Variants in PLXNA4 observed in about 807,000 individuals in gnomAD.
The protein encoded by PLXNA4 is plexin-A4.
In PLXNA4, 44 loss-of-function variants were observed where a neutral mutation model predicts 191.8. The ratio of observed to expected loss-of-function variants is 0.23; its 90% confidence interval spans 0.18 to 0.29. PLXNA4 has a LOEUF of 0.29. PLXNA4 is among the 10% of genes least tolerant of loss of function. The pLI, the probability that PLXNA4 is intolerant of heterozygous loss-of-function variation, is 1.00. For missense variants in PLXNA4, 1,800 were observed against 2,488.8 expected (o/e 0.72, Z 5.89); for synonymous variants, 1,082 against 1,009.5 (o/e 1.07, Z -1.36).
chr7:132,266,730 G>C (rs922914662), intron 4 of PLXNA4, among the ~76,000 whole-genome samples: 1 of 152,228 alleles, frequency 6.6e-6, no homozygotes, highest in Non-Finnish European at 1.5e-5. Flanking sequence ...TTCTGCATAA[G>C]CATCGACCTG....
intron 3 of PLXNA4, among the ~76,000 whole-genome samples, chr7:132,425,295 T>TAA (rs571466321): frequency 6.7e-6 from 1 of 149,340 alleles, no homozygotes; most frequent in African/African-American, 2.5e-5. Context: ...AGGAAAGCTT[T>TAA]AAAAAAAAAA....
intron 2 of PLXNA4, among the ~76,000 whole-genome samples, chr7:132,506,586 C>T (rs1456487947): frequency 6.6e-6 from 1 of 152,170 alleles, no homozygotes; most frequent in Non-Finnish European, 1.5e-5. Flanking sequence ...AGTGAAAAAG[C>T]AGGACCATTG....
chr7:132,377,154 G>A (rs1361718077), intron 3 of PLXNA4, among the ~76,000 whole-genome samples: 1 of 152,102 alleles, frequency 6.6e-6, no homozygotes, highest in African/African-American at 2.4e-5. Flanking sequence ...CAGAGAATAC[G>A]AGATGCTTAT....
rs115888842 is a variant in PLXNA4 at position 132,338,976 on chromosome 7, A to T, written c.1372-40754T>A. On this transcript the variant is annotated intron_variant, in intron 3 of 31. Transcript: ENST00000321063. ...CCACCTAGCACTGTTTTCCATGACA[A>T]TTCCTTTCAGGAAACTGTGATGACT... is the stretch of plus-strand genomic sequence containing the variant. Among the ~76,000 whole-genome samples the T allele has an allele frequency of 3.1e-3, 475 of 152,282 alleles. 4 individuals are homozygous for T. The highest frequency in any genetic ancestry group is 0.011 in the African/African-American group (449 of 41,566).
chr7:132,183,480 G>A (rs1796778067), intron 16 of PLXNA4, among the ~76,000 whole-genome samples: 1 of 152,190 alleles, frequency 6.6e-6, no homozygotes, highest in Non-Finnish European at 1.5e-5. Flanking sequence ...CCCAGAACAT[G>A]TCTGTCTCCA....
At chr7:132,170,197 A>G (rs10274274) in intron 21 of PLXNA4, among the ~76,000 whole-genome samples, 2,682 of 152,258 alleles carry the variant, frequency 0.018, 81 homozygotes, top group African/African-American at 0.061. Flanking sequence ...ACTGATATAG[A>G]TCTAAGTCCA....
intron 24 of PLXNA4, among the ~76,000 whole-genome samples, chr7:132,162,461 A>C (rs1795979250): frequency 6.6e-6 from 1 of 152,174 alleles, no homozygotes; most frequent in Non-Finnish European, 1.5e-5. Context: ...CTCTGGAACA[A>C]AGGATGTTGC....
At chr7:132,377,891 A>G (rs1804725889) in intron 3 of PLXNA4, among the ~76,000 whole-genome samples, 1 of 152,142 alleles carries the variant, frequency 6.6e-6, no homozygotes, top group Admixed American at 6.5e-5. Flanking sequence ...AAAAGAAAAG[A>G]ACAGAAACAC....
chr7:132,512,641 C>T lies in PLXNA4; in HGVS notation c.-86-3862G>A, dbSNP rs550618460. 5.3e-5 allele frequency among the ~76,000 whole-genome samples: 8 copies of T among 152,236 alleles called. No individual in the cohort carries two copies. In the South Asian group the frequency reaches 1.7e-3, roughly 32 times the overall value. ...GCTCCAGCTTGCCTCACCAAAGACCCCACCAGGAACCACCACAGAGGTGAC... is the reference window on the plus strand; with the variant it reads ...GCTCCAGCTTGCCTCACCAAAGACCTCACCAGGAACCACCACAGAGGTGAC... On this transcript the variant is annotated intron_variant, in intron 1 of 31. Coordinates refer to ENST00000321063, the MANE Select transcript of PLXNA4 (RefSeq NM_020911.2).
intron 3 of PLXNA4, among the ~76,000 whole-genome samples, chr7:132,482,684 G>A (rs1797385382): frequency 1.5e-5 from 2 of 132,114 alleles, no homozygotes; most frequent in African/African-American, 5.8e-5. Context: ...GAGTGTGGGA[G>A]CTTCGAGAAA....
intron 4 of PLXNA4, among the ~76,000 whole-genome samples, chr7:132,260,621 G>C (rs556313099): frequency 6.6e-6 from 1 of 151,360 alleles, no homozygotes; most frequent in African/African-American, 2.4e-5. Context: ...AGCGACACGC[G>C]ATTTACCCAT....
chr7:132,452,617 C>T (rs530153401), intron 3 of PLXNA4, among the ~76,000 whole-genome samples: 2 of 152,270 alleles, frequency 1.3e-5, no homozygotes, highest in South Asian at 2.1e-4. Context: ...TCCCTGGGGG[C>T]CTGATACTCT....
At chr7:132,590,975 C>G (rs1029871233) in intron 2 of PLXNA4, among the ~76,000 whole-genome samples, 1 of 152,072 alleles carries the variant, frequency 6.6e-6, no homozygotes, top group Admixed American at 6.6e-5. Flanking sequence ...GCATCTCCTC[C>G]CCAGTGCTCC....
intron 21 of PLXNA4, 95 bp from the exon 22 acceptor site, chr7:132,168,667 C>T (rs1379179445): frequency 6.9e-7 from 1 of 1,450,066 alleles, no homozygotes; most frequent in Non-Finnish European, 9.1e-7. Context: ...ATGACCCTCT[C>T]ATCCACCAAT....
intron 3 of PLXNA4, among the ~76,000 whole-genome samples, chr7:132,332,696 AT>A (rs1428932918): frequency 1.3e-5 from 2 of 151,550 alleles, no homozygotes; most frequent in African/African-American, 4.8e-5. Context: ...AAAAAAAAAA[AT>A]ACAAAACTAA....
chr7:132,630,008 C>T (rs1031487919), intron 2 of PLXNA4, among the ~76,000 whole-genome samples: 1 of 152,120 alleles, frequency 6.6e-6, no homozygotes, highest in Non-Finnish European at 1.5e-5. Context: ...CACCACCACG[C>T]CTGGCTAATT....
At chr7:132,473,539 G>T (rs1797007452) in intron 3 of PLXNA4, among the ~76,000 whole-genome samples, 3 of 152,164 alleles carry the variant, frequency 2.0e-5, no homozygotes, top group Non-Finnish European at 2.9e-5. Context: ...CTCTCACAAA[G>T]AAATAAATAC....
At chr7:132,419,942 GA>G (rs978616705) in intron 3 of PLXNA4, among the ~76,000 whole-genome samples, 11 of 151,560 alleles carry the variant, frequency 7.3e-5, no homozygotes, top group African/African-American at 1.7e-4. Flanking sequence ...ATTAAATACG[GA>G]AAAAAAATCC....
intron 30 of PLXNA4, among the ~76,000 whole-genome samples, chr7:132,138,155 C>T (rs1161988916): frequency 6.6e-6 from 1 of 152,122 alleles, no homozygotes; most frequent in African/African-American, 2.4e-5. Flanking sequence ...GAAGAGAGGA[C>T]CAGCCAGGGT....
Sources: gnomAD v4.1 joint callset for allele counts (sites outside exome capture counted in the v4.1 genomes callset) on GRCh38, gnomAD v4.1.1 for gene constraint, MANE v1.5 for transcripts, NCBI Gene and HGNC (gene_info 2026-07-23, HGNC 2026-07-21) for gene names.